The following RBM45 variants were observed in gnomAD, a reference collection of about 807,000 sequenced individuals.
The protein encoded by RBM45 is RNA binding motif protein 45.
RBM45 carries 39 observed loss-of-function variants against 58.5 expected under a neutral mutation model. That is an observed-to-expected ratio of 0.67 (90% CI 0.52 to 0.87). The LOEUF is 0.87. Ranked by LOEUF, RBM45 falls within the 40% of genes least tolerant of loss-of-function variation. RBM45 has a pLI of 0.00. For synonymous variants in RBM45, 193 were observed against 203.0 expected (o/e 0.95, Z 0.42); for missense variants, 481 against 581.6 (o/e 0.83, Z 1.78).
intron 5 of RBM45, 39 bp downstream of exon 5, chr2:178,121,398 A>G (rs941768833): frequency 9.3e-6 from 5 of 538,002 alleles, no homozygotes; most frequent in East Asian, 4.1e-5. Flanking sequence ...ATATATATGT[A>G]TATATACACA....
In RBM45 at chr2:178,112,665, TGCTGAGGGAGC is replaced by T; in HGVS notation, c.123_133del (p.Arg42LeufsTer71). On this transcript the variant is annotated frameshift_variant, in exon 1 of 10. Coordinates refer to ENST00000286070, the MANE Select transcript of RBM45 (RefSeq NM_152945.4). LOFTEE classifies it high-confidence loss of function. Reference sequence around the variant, plus strand: ...ATCAGCAAGTACACACCTGAGTCGGTGCTGAGGGAGCGCTTCTCGCCTTTTGGCGACATCCA... The same window carrying T: ...ATCAGCAAGTACACACCTGAGTCGGTGCTTCTCGCCTTTTGGCGACATCCA... 6.2e-7 allele frequency: 1 copy of T among 1,614,238 alleles called. No individual in the cohort carries two copies. Among genetic ancestry groups the T allele is most frequent in the Non-Finnish European group, 8.5e-7 (1 of 1,180,042 alleles).
At chr2:178,137,024 T>A (rs1236005157) in exon 4 of RBM45, 1 of 152,176 alleles carries the variant, frequency 6.6e-6, no homozygotes, top group Non-Finnish European at 1.5e-5. Flanking sequence ...AGTTTTGTTT[T>A]GGGGTTGTTT....
At chr2:178,123,410 A>T in intron 5 of RBM45, 112 bp from the exon 6 acceptor site, 1 of 1,032,840 alleles carries the variant, frequency 9.7e-7, no homozygotes, top group African/African-American at 1.6e-5. Flanking sequence ...TGTATTTACT[A>T]GTTGTGTGAT....
At chr2:178,126,948 T>A (rs1305295928) in intron 9 of RBM45, among the ~76,000 whole-genome samples, 1 of 152,018 alleles carries the variant, frequency 6.6e-6, no homozygotes, top group Non-Finnish European at 1.5e-5. Flanking sequence ...TTTGACTTTT[T>A]TTTTCCCCCG....
At chr2:178,134,564 T>C (rs148993757), downstream of RBM45, among the ~76,000 whole-genome samples, 279 of 140,466 alleles carry the variant, frequency 2.0e-3, no homozygotes, top group African/African-American at 7.1e-3. Context: ...TTTGCTTGCT[T>C]GCTCTGTTTT....
In RBM45 at chr2:178,120,313, A is replaced by G. The variant is rs756609770; in HGVS notation, c.577A>G (p.Lys193Glu). The change falls in exon 4 of 10, where the codon AAA (lysine) becomes GAA (glutamate). Residue 193 changes from lysine (K) to glutamate (E), a missense_variant. Transcript: ENST00000286070. The part of the protein sequence containing the change: ...RSFRAILAEP[K>E]NKASESSEQD... ...TTTTAGAGCAATCTTGGCTGAACCTAAAAATAAAGCATCTGAATCCTCTGA... is the reference window on the plus strand; with the variant it reads ...TTTTAGAGCAATCTTGGCTGAACCTGAAAATAAAGCATCTGAATCCTCTGA... 1 of 1,613,070 alleles carries G rather than the reference A, an allele frequency of 6.2e-7. No individual in the cohort carries two copies. Among genetic ancestry groups the G allele is most frequent in the Non-Finnish European group, 8.5e-7 (1 of 1,179,546 alleles).
Position 178,120,374 on chromosome 2 carries a change from T to TGG in RBM45, c.640_641dup (p.His215AspfsTer6). On this transcript the variant is annotated frameshift_variant, in exon 4 of 10. Transcript: ENST00000286070. LOFTEE classifies it high-confidence loss of function. ...TATAGTAATATGAGGCAAGAAGCTT[T>TGG]GGGACATGAACCTAGAGTAAATATG... 1 of 1,613,230 alleles carries TGG rather than the reference T, an allele frequency of 6.2e-7. No homozygotes were observed. The highest frequency in any genetic ancestry group is 8.5e-7 in the Non-Finnish European group (1 of 1,179,540).
At chr2:178,125,755 A>C (rs1390980967) in intron 8 of RBM45, 4 of 669,142 alleles carry the variant, frequency 6.0e-6, no homozygotes, top group East Asian at 6.1e-5. Context: ...CTCAGGGGTA[A>C]GGAAACTAGT....
At chr2:178,122,813 T>A (rs2087873051) in intron 5 of RBM45, among the ~76,000 whole-genome samples, 1 of 152,174 alleles carries the variant, frequency 6.6e-6, no homozygotes, top group Admixed American at 6.5e-5. Flanking sequence ...TGTTGGATGC[T>A]TGGGTTTCCA....
chr2:178,113,828 G>A (rs2087735622), intron 1 of RBM45, among the ~76,000 whole-genome samples: 1 of 152,136 alleles, frequency 6.6e-6, no homozygotes, highest in Admixed American at 6.5e-5. Context: ...TTGGTACTTT[G>A]CACAAAAATA....
downstream of RBM45, among the ~76,000 whole-genome samples, chr2:178,134,206 G>A (rs1021748016): frequency 6.6e-6 from 1 of 152,176 alleles, no homozygotes; most frequent in East Asian, 1.9e-4. Context: ...GAAACTGCCT[G>A]TCTGACCAAA....
At chr2:178,136,538 G>C (rs2088046982) in exon 4 of RBM45, 1 of 152,202 alleles carries the variant, frequency 6.6e-6, no homozygotes, top group Non-Finnish European at 1.5e-5. Context: ...CAGTAGGGGA[G>C]TCATAAAAGA....
chr2:178,112,914 T>A (rs1197097804), intron 1 of RBM45, 68 bp downstream of exon 1: 7 of 1,500,768 alleles, frequency 4.7e-6, no homozygotes, highest in Non-Finnish European at 6.4e-6. Flanking sequence ...CTTCACCTGC[T>A]GCTCTGCCGG....
chr2:178,129,705 G>A (rs2087985000), downstream of RBM45: 1 of 152,630 alleles, frequency 6.6e-6, no homozygotes, highest in Non-Finnish European at 1.5e-5. Flanking sequence ...TTAATAGACA[G>A]TCTTTAGAAT....
rs201772313 is a variant in RBM45, at chr2:178,121,170, A to G, written c.674-10A>G. 19 of 1,413,154 alleles carry G rather than the reference A, an allele frequency of 1.3e-5. No individual in the cohort carries two copies. Among genetic ancestry groups the G allele is most frequent in the Middle Eastern group, 1.8e-4 (1 of 5,530 alleles). The allele number at this position is 1,413,154 out of a possible 1,614,324, so 87.5% of individuals were successfully genotyped here. On this transcript the variant is annotated splice_polypyrimidine_tract_variant and intron_variant, in intron 4 of 9. Coordinates refer to ENST00000286070, the MANE Select transcript of RBM45 (RefSeq NM_152945.4). ...AATCTAAAGATTTACTTTTTTTTATATTGTCGGAGAACAACAATCTGAATT... is the reference window on the plus strand; with the variant it reads ...AATCTAAAGATTTACTTTTTTTTATGTTGTCGGAGAACAACAATCTGAATT...
chr2:178,121,698 T>C (rs2087855382), intron 5 of RBM45, among the ~76,000 whole-genome samples: 1 of 152,180 alleles, frequency 6.6e-6, no homozygotes, highest in Non-Finnish European at 1.5e-5. Flanking sequence ...CCTCTGTTTC[T>C]ATGTACTCTT....
intron 2 of RBM45, 81 bp downstream of exon 2, chr2:178,116,465 T>C (rs1451943922): frequency 8.0e-7 from 1 of 1,242,780 alleles, no homozygotes; most frequent in African/African-American, 1.5e-5. Flanking sequence ...GAAATGTTGT[T>C]GGAATAAGGT....
At chr2:178,125,028 C>T (rs952445061) in intron 8 of RBM45, among the ~76,000 whole-genome samples, 3 of 151,968 alleles carry the variant, frequency 2.0e-5, no homozygotes, top group African/African-American at 4.8e-5. Flanking sequence ...TTCCCATTTG[C>T]CTTACAAGAA....
At chr2:178,117,917 T>C (rs935692531) in intron 2 of RBM45, 138 bp from the exon 3 acceptor site, 1 of 514,184 alleles carries the variant, frequency 1.9e-6, no homozygotes, top group African/African-American at 1.9e-5. Context: ...CAAATACAAA[T>C]ATGCAATATC....
Sources: allele counts gnomAD v4.1 joint callset (sites outside exome capture counted in the v4.1 genomes callset), GRCh38; gene constraint gnomAD v4.1.1; transcripts MANE v1.5; gene names NCBI Gene and HGNC (gene_info 2026-07-23, HGNC 2026-07-21).